GRM7: variants seen among roughly 807,000 people sequenced by gnomAD.
GRM7 encodes glutamate metabotropic receptor 7, also known as metabotropic glutamate receptor 7.
A neutral mutation model predicts 84.5 loss-of-function variants in GRM7; 35 were observed. The observed-to-expected ratio is 0.41, with a 90% confidence interval of 0.32 to 0.55. The LOEUF is 0.55. Ranked by LOEUF, GRM7 falls within the 20% of genes least tolerant of loss-of-function variation. The pLI, the probability that GRM7 is intolerant of heterozygous loss-of-function variation, is 0.19. For missense variants in GRM7, 1,003 were observed against 1,194.6 expected, an observed-to-expected ratio of 0.84 and a Z score of 2.36; for synonymous variants, 487 against 455.1, an observed-to-expected ratio of 1.07 and a Z score of -0.89.
At chr3:7,349,513 G>C (rs1384478095) in intron 4 of GRM7, among the ~76,000 whole-genome samples, 1 of 152,126 alleles carries the variant, frequency 6.6e-6, no homozygotes, top group Non-Finnish European at 1.5e-5. Flanking sequence ...AGATGGAAGA[G>C]AATATATTTT....
intron 1 of GRM7, among the ~76,000 whole-genome samples, chr3:6,962,041 C>T (rs73126765): frequency 0.013 from 1,937 of 152,302 alleles, 33 homozygotes; most frequent in African/African-American, 0.043. Context: ...CCTTAATTCA[C>T]TGCAACTGAG....
intron 2 of GRM7, among the ~76,000 whole-genome samples, chr3:7,165,175 C>A (rs1164000634): frequency 6.6e-6 from 1 of 152,216 alleles, no homozygotes; most frequent in East Asian, 1.9e-4. Flanking sequence ...CTAACTTCCT[C>A]ACCATCCGCA....
At chr3:7,356,297 A>ATTTTTTTTTTTTTT (rs1011380269) in intron 4 of GRM7, among the ~76,000 whole-genome samples, 1 of 148,932 alleles carries the variant, frequency 6.7e-6, no homozygotes, top group African/African-American at 2.5e-5. Flanking sequence ...GCAGAGGAGG[A>ATTTTTTTTTTTTTT]TTTTTTTTTT....
intron 7 of GRM7, among the ~76,000 whole-genome samples, chr3:7,542,958 C>A (rs976449484): frequency 2.0e-5 from 3 of 152,172 alleles, no homozygotes; most frequent in African/African-American, 4.8e-5. Context: ...TACCCTCAAA[C>A]ATAAACTCTA....
At chr3:7,041,724 C>T (rs1574826188) in intron 1 of GRM7, among the ~76,000 whole-genome samples, 2 of 152,102 alleles carry the variant, frequency 1.3e-5, no homozygotes, top group African/African-American at 4.8e-5. Flanking sequence ...ACCTAAAATC[C>T]TCAGAATCTC....
chr3:6,891,113 A>G (rs949098514), intron 1 of GRM7, among the ~76,000 whole-genome samples: 3 of 151,720 alleles, frequency 2.0e-5, no homozygotes, highest in Admixed American at 6.6e-5. Flanking sequence ...TTTTATTTTG[A>G]GCCTATATGT....
chr3:7,547,650 C>T (rs1380005505), intron 7 of GRM7, among the ~76,000 whole-genome samples: 1 of 152,136 alleles, frequency 6.6e-6, no homozygotes, highest in African/African-American at 2.4e-5. Context: ...TGCCAGATAT[C>T]AGTAATTTTT....
At chr3:7,218,538 G>A (rs1334964503) in intron 2 of GRM7, among the ~76,000 whole-genome samples, 6 of 151,918 alleles carry the variant, frequency 3.9e-5, no homozygotes, top group African/African-American at 1.4e-4. Context: ...AGCTTAAAAG[G>A]AAAGGTAAAA....
intron 1 of GRM7, among the ~76,000 whole-genome samples, chr3:6,913,552 C>A (rs1696843977): frequency 6.6e-6 from 1 of 152,116 alleles, no homozygotes; most frequent in Non-Finnish European, 1.5e-5. Flanking sequence ...TTTTCTAGTT[C>A]TTGGTTACGA....
chr3:6,999,043 C>T (rs1694922931), intron 1 of GRM7, among the ~76,000 whole-genome samples: 1 of 152,148 alleles, frequency 6.6e-6, no homozygotes, highest in Non-Finnish European at 1.5e-5. Context: ...AATGGGTTTT[C>T]TTTTCTATTG....
intron 1 of GRM7, among the ~76,000 whole-genome samples, chr3:6,914,568 A>T (rs1391327493): frequency 6.6e-6 from 1 of 151,800 alleles, no homozygotes; most frequent in African/African-American, 2.4e-5. Flanking sequence ...ACGCCTGGCT[A>T]ATTTTTGTAT....
intron 2 of GRM7, among the ~76,000 whole-genome samples, chr3:7,180,968 T>G (rs1270990572): frequency 6.6e-6 from 1 of 152,208 alleles, no homozygotes; most frequent in Non-Finnish European, 1.5e-5. Flanking sequence ...ACTTTGGAAT[T>G]GGGTAAAACA....
intron 7 of GRM7, among the ~76,000 whole-genome samples, chr3:7,527,447 T>A (rs909731331): frequency 6.6e-6 from 1 of 151,980 alleles, no homozygotes; most frequent in Non-Finnish European, 1.5e-5. Flanking sequence ...CAGTTTCCAA[T>A]GTATAGAATA....
intron 3 of GRM7, among the ~76,000 whole-genome samples, chr3:7,301,691 T>G (rs1700006974): frequency 6.6e-6 from 1 of 152,194 alleles, no homozygotes. Flanking sequence ...TAAACATTAT[T>G]GTATATTGTC....
intron 4 of GRM7, among the ~76,000 whole-genome samples, chr3:7,368,860 G>C (rs1336577025): frequency 6.7e-6 from 1 of 150,200 alleles, no homozygotes; most frequent in Non-Finnish European, 1.5e-5. Context: ...GCACATAATA[G>C]TGGCCTGTTA....
At chr3:7,333,469 G>A (rs1559243776) in intron 4 of GRM7, among the ~76,000 whole-genome samples, 1 of 152,176 alleles carries the variant, frequency 6.6e-6, no homozygotes, top group Non-Finnish European at 1.5e-5. Context: ...GCCCCATGGG[G>A]CAAAAGAATC....
At chr3:7,150,091 G>C (rs901075829) in intron 2 of GRM7, among the ~76,000 whole-genome samples, 8 of 151,862 alleles carry the variant, frequency 5.3e-5, no homozygotes, top group African/African-American at 1.9e-4. Flanking sequence ...GTGTGTGAGA[G>C]AGAGAGAGAG....
At chr3:7,410,645 A>AACC (rs1228983813) in intron 4 of GRM7, among the ~76,000 whole-genome samples, 2 of 145,076 alleles carry the variant, frequency 1.4e-5, no homozygotes, top group Non-Finnish European at 3.0e-5. Flanking sequence ...ATACACACAA[A>AACC]ACCACCACCA....
chr3:7,376,532 T>C (rs9864891), intron 4 of GRM7, among the ~76,000 whole-genome samples: 94,022 of 152,040 alleles, frequency 0.62, 29,633 homozygotes, highest in African/African-American at 0.75. Flanking sequence ...CCTTCAACAA[T>C]CTGTGGGTTG....
Sources: gnomAD v4.1 joint callset for allele counts (sites outside exome capture counted in the v4.1 genomes callset) on GRCh38, gnomAD v4.1.1 for gene constraint, MANE v1.5 for transcripts, NCBI Gene and HGNC (gene_info 2026-07-23, HGNC 2026-07-21) for gene names.